FRG1: variants seen among roughly 807,000 people sequenced by gnomAD.
The protein encoded by FRG1 is protein FRG1.
FRG1 carries 19 observed loss-of-function variants against 37.0 expected under a neutral mutation model. The ratio of observed to expected loss-of-function variants is 0.51; its 90% confidence interval spans 0.36 to 0.75. The LOEUF (loss-of-function observed/expected upper bound fraction) is 0.75. FRG1 is among the 30% of genes least tolerant of loss of function. FRG1 has a pLI of 0.00. For synonymous variants in FRG1, 73 were observed against 96.5 expected, an observed-to-expected ratio of 0.76 and a Z score of 1.43; for missense variants, 243 against 301.4, an observed-to-expected ratio of 0.81 and a Z score of 1.44.
intron 2 of FRG1, among the ~76,000 whole-genome samples, chr4:189,947,073 C>T (rs1479048353): frequency 2.6e-5 from 4 of 152,256 alleles, no homozygotes; most frequent in Non-Finnish European, 5.9e-5. Context: ...CCAAGCTGGT[C>T]TCAAACTCCT....
At chr4:189,961,023 A>G (rs1737205645) in intron 7 of FRG1, 184 bp downstream of exon 7, 2 of 585,458 alleles carry the variant, frequency 3.4e-6, no homozygotes, top group Non-Finnish European at 5.9e-6. Context: ...AGCTCTGATC[A>G]CCACTGCCTT....
At chr4:189,948,241 A>G (rs1736610658) in intron 2 of FRG1, among the ~76,000 whole-genome samples, 1 of 152,236 alleles carries the variant, frequency 6.6e-6, no homozygotes. Context: ...AAGGATCTGA[A>G]GGGATTGGTA....
chr4:189,951,576 A>G (rs1736755246), intron 2 of FRG1, among the ~76,000 whole-genome samples: 1 of 152,072 alleles, frequency 6.6e-6, no homozygotes, highest in Non-Finnish European at 1.5e-5. Context: ...TTGGCTCTGG[A>G]AAGCAGGCAT....
At position 189,960,787 on chromosome 4, in the gene FRG1, G is replaced by A. The variant is rs140177237; in HGVS notation, c.577G>A (p.Asp193Asn). 1,280 of 1,609,004 alleles carry A rather than the reference G, an allele frequency of 8.0e-4. 8 individuals carry two copies. Among genetic ancestry groups the A allele is most frequent in the Middle Eastern group, 2.3e-3 (10 of 4,432 alleles). ...TGAAAGAGAAACCAAGAAAAAAGAT[G>A]ACATTCCAGAAGAAGACAAAGGAAA... ...CAERETKKKDDIPEEDKGNVK... is the reference protein window; with the variant it reads ...CAERETKKKDNIPEEDKGNVK... The change falls in exon 7 of 9, where the codon GAC becomes AAC. Residue 193 changes from aspartate (D) to asparagine (N), a missense_variant. Transcript: ENST00000226798.
Position 189,957,431 on chromosome 4 carries a change from T to C in FRG1, c.466T>C (p.Phe156Leu), listed in dbSNP as rs758156264. ...KMALLASNSC[F>L]IRCNEAGDIE... Reference sequence around the variant, plus strand: ...GGCTTTGTTGGCCTCAAATAGCTGCTTTATTAGATGCAATGAAGCAGGGGA... The same window carrying C: ...GGCTTTGTTGGCCTCAAATAGCTGCCTTATTAGATGCAATGAAGCAGGGGA... Residue 156 changes from phenylalanine (F) to leucine (L), a missense_variant, in exon 6 of 9, where the codon TTT becomes CTT. Physicochemically the swap from Phe to Leu is conservative, Grantham distance 22. Coordinates refer to ENST00000226798, the MANE Select transcript of FRG1 (RefSeq NM_004477.3). 5.6e-6 allele frequency: 9 copies of C among 1,612,616 alleles called. No homozygotes were observed. In the Admixed American group the frequency reaches 1.3e-4, roughly 24 times the overall value.
At chr4:189,955,637 T>A (rs1736951300) in intron 5 of FRG1, among the ~76,000 whole-genome samples, 1 of 152,234 alleles carries the variant, frequency 6.6e-6, no homozygotes, top group Admixed American at 6.5e-5. Flanking sequence ...AAAAGATAGT[T>A]TTAATATAAG....
intron 2 of FRG1, among the ~76,000 whole-genome samples, chr4:189,943,607 T>C (rs541457435): frequency 2.8e-4 from 43 of 152,348 alleles, no homozygotes; most frequent in African/African-American, 1.0e-3. Flanking sequence ...TGCACATGTA[T>C]GCATTTTAAT....
intron 2 of FRG1, among the ~76,000 whole-genome samples, chr4:189,944,389 G>A (rs1736442683): frequency 6.6e-6 from 1 of 152,082 alleles, no homozygotes; most frequent in Admixed American, 6.6e-5. Context: ...TGTTAGCCAG[G>A]ATGGTCAGAA....
At chr4:189,945,885 C>T (rs1365260395) in intron 2 of FRG1, among the ~76,000 whole-genome samples, 5 of 151,964 alleles carry the variant, frequency 3.3e-5, no homozygotes, top group African/African-American at 1.2e-4. Context: ...TCAGCTGAAC[C>T]CGGAGGGTTT....
intron 2 of FRG1, among the ~76,000 whole-genome samples, chr4:189,951,510 T>C (rs1579629671): frequency 6.6e-6 from 1 of 150,694 alleles, no homozygotes; most frequent in South Asian, 2.1e-4. Flanking sequence ...AAAAAAAGAT[T>C]GCTATGCTAG....
intron 5 of FRG1, among the ~76,000 whole-genome samples, chr4:189,956,807 A>G (rs1737001030): frequency 6.6e-6 from 1 of 152,230 alleles, no homozygotes; most frequent in African/African-American, 2.4e-5. Flanking sequence ...AGCTAACCAA[A>G]TTTATAACCC....
intron 6 of FRG1, 65 bp from the exon 7 acceptor site, chr4:189,960,683 T>C: frequency 7.8e-7 from 1 of 1,277,360 alleles, no homozygotes; most frequent in Non-Finnish European, 1.1e-6. Context: ...TCTTATGTGA[T>C]ACGTAAAGTG....
At chr4:189,953,231 T>G (rs1736837499) in intron 4 of FRG1, 106 bp downstream of exon 4, 38 of 1,397,126 alleles carry the variant, frequency 2.7e-5, no homozygotes, top group Non-Finnish European at 3.3e-5. Flanking sequence ...AATTTTGATG[T>G]AAAAAACAAA....
intron 1 of FRG1, among the ~76,000 whole-genome samples, chr4:189,942,588 G>C (rs1372285857): frequency 1.3e-5 from 2 of 151,974 alleles, no homozygotes; most frequent in African/African-American, 4.8e-5. Flanking sequence ...GTATCATTTT[G>C]TTCATCCATT....
intron 8 of FRG1, among the ~76,000 whole-genome samples, chr4:189,962,513 TCAC>T (rs1165477108): frequency 1.3e-5 from 2 of 152,196 alleles, no homozygotes; most frequent in African/African-American, 4.8e-5. Context: ...ATTTTGATAA[TCAC>T]CAGCCGCTCA....
chr4:189,944,807 G>A (rs1373981139), intron 2 of FRG1, among the ~76,000 whole-genome samples: 8 of 152,132 alleles, frequency 5.3e-5, no homozygotes, highest in Non-Finnish European at 5.9e-5. Context: ...ATAATTTCAT[G>A]AAGTCTTGAG....
intron 1 of FRG1, 58 bp from the exon 2 acceptor site, chr4:189,943,144 A>G: frequency 6.8e-7 from 1 of 1,473,508 alleles, no homozygotes; most frequent in East Asian, 2.3e-5. Flanking sequence ...TCAATCTTAC[A>G]ATATTTATCG....
chr4:189,946,295 C>T (rs113149784), intron 2 of FRG1, among the ~76,000 whole-genome samples: 2 of 134,200 alleles, frequency 1.5e-5, no homozygotes, highest in Admixed American at 8.1e-5. Context: ...AATACACTAA[C>T]GATAAGCTGA....
chr4:189,952,124 C>A, intron 2 of FRG1, 38 bp from the exon 3 acceptor site: 3 of 1,460,690 alleles, frequency 2.1e-6, no homozygotes, highest in Non-Finnish European at 2.8e-6. Flanking sequence ...TGTGTCAAAA[C>A]TAAAATATAA....
Sources: gnomAD v4.1 joint callset for allele counts (sites outside exome capture counted in the v4.1 genomes callset) on GRCh38, gnomAD v4.1.1 for gene constraint, MANE v1.5 for transcripts, NCBI Gene and HGNC (gene_info 2026-07-23, HGNC 2026-07-21) for gene names.